CD109: variants seen among roughly 807,000 people sequenced by gnomAD.
The protein encoded by CD109 is CD109 antigen.
Under a neutral mutation model 165.8 loss-of-function variants are expected in CD109, and 149 were observed. The observed-to-expected ratio is 0.90, with a 90% confidence interval of 0.79 to 1.03. The LOEUF (loss-of-function observed/expected upper bound fraction) is 1.03. CD109 is among the 50% of genes least tolerant of loss of function. The probability of loss-of-function intolerance (pLI) is 0.00; values close to 1 mark genes in which losing one functional copy is unlikely to be tolerated. For missense variants in CD109, 1,712 were observed against 1,677.8 expected, an observed-to-expected ratio of 1.02 and a Z score of -0.36; for synonymous variants, 585 against 592.1, an observed-to-expected ratio of 0.99 and a Z score of 0.18.
intron 30 of CD109, among the ~76,000 whole-genome samples, chr6:73,816,307 T>C (rs1170894502): frequency 6.6e-6 from 1 of 152,220 alleles, no homozygotes; most frequent in East Asian, 1.9e-4. Flanking sequence ...GTCTCTGTTA[T>C]AGAATAACAA....
intron 23 of CD109, among the ~76,000 whole-genome samples, chr6:73,793,659 A>G (rs1775048764): frequency 6.6e-6 from 1 of 152,250 alleles, no homozygotes; most frequent in Non-Finnish European, 1.5e-5. Context: ...GATGTGAGAC[A>G]CGTTTGATGT....
At chr6:73,795,627 A>G (rs964956300) in intron 23 of CD109, among the ~76,000 whole-genome samples, 1 of 152,178 alleles carries the variant, frequency 6.6e-6, no homozygotes, top group Non-Finnish European at 1.5e-5. Context: ...ATCGTTCTCT[A>G]AATGCCAAGC....
At chr6:73,718,261 C>G (rs1771817017) in intron 2 of CD109, among the ~76,000 whole-genome samples, 1 of 152,008 alleles carries the variant, frequency 6.6e-6, no homozygotes, top group Non-Finnish European at 1.5e-5. Flanking sequence ...GTCTGATTGC[C>G]CTAGCTAGGA....
chr6:73,791,198 T>TATATATATATATACACATAC (rs1774946590), intron 22 of CD109, among the ~76,000 whole-genome samples: 1 of 103,824 alleles, frequency 9.6e-6, no homozygotes, highest in Non-Finnish European at 1.7e-5. Context: ...CATACATATA[T>TATATATATATATACACATAC]ATATATATAT....
At chr6:73,781,456 G>A in intron 17 of CD109, 137 bp downstream of exon 17, 1 of 695,280 alleles carries the variant, frequency 1.4e-6, no homozygotes, top group Non-Finnish European at 2.4e-6. Context: ...CAAAATGTTT[G>A]GAGTTTAATG....
intron 2 of CD109, among the ~76,000 whole-genome samples, chr6:73,709,800 T>C (rs1771454390): frequency 6.6e-6 from 1 of 152,154 alleles, no homozygotes; most frequent in Admixed American, 6.5e-5. Context: ...TGAAAATCAA[T>C]AAACGTAATC....
At chr6:73,698,761 G>A (rs539706938) in intron 2 of CD109, among the ~76,000 whole-genome samples, 1 of 152,176 alleles carries the variant, frequency 6.6e-6, no homozygotes, top group African/African-American at 2.4e-5. Context: ...CAATGTCAGG[G>A]AAGTGGGAGG....
At chr6:73,719,985 T>C (rs1771885105) in intron 2 of CD109, among the ~76,000 whole-genome samples, 1 of 152,318 alleles carries the variant, frequency 6.6e-6, no homozygotes, top group East Asian at 1.9e-4. Flanking sequence ...ACTCCCAAAG[T>C]ATAACTGGTG....
Position 73,808,199 on chromosome 6 carries a change from T to C in CD109, c.3306T>C (p.Pro1102=). The change falls in exon 26 of 33, where the codon CCT becomes CCC. Residue 1102 remains proline, a synonymous_variant. Coordinates refer to ENST00000287097, the MANE Select transcript of CD109 (RefSeq NM_133493.5). ...ATGCATTGTCATCAGTGGGGAGTCC[T>C]AAAGCGAAGGAAGCTTTGAATATGC... ...ITYALSSVGS[P]KAKEALNMLT... is the part of the protein sequence containing the mutation. The C allele has an allele frequency of 1.2e-6, 2 of 1,613,580 alleles. No individual in the cohort carries two copies. Among genetic ancestry groups the C allele is most frequent in the East Asian group, 2.2e-5 (1 of 44,858 alleles).
intron 5 of CD109, among the ~76,000 whole-genome samples, chr6:73,743,613 A>G (rs1772871203): frequency 6.6e-6 from 1 of 152,104 alleles, no homozygotes; most frequent in Admixed American, 6.6e-5. Context: ...TCTGTTAAGT[A>G]TCTCTGGAGC....
intron 5 of CD109, among the ~76,000 whole-genome samples, chr6:73,740,603 CTT>C (rs776790429): frequency 3.6e-5 from 4 of 111,876 alleles, no homozygotes; most frequent in Admixed American, 2.0e-4. Context: ...TTCTTTCTTT[CTT>C]TTTTTTTTTT....
At chr6:73,797,184 G>A (rs1000586565) in intron 23 of CD109, among the ~76,000 whole-genome samples, 3 of 152,112 alleles carry the variant, frequency 2.0e-5, no homozygotes, top group Non-Finnish European at 4.4e-5. Flanking sequence ...CCATTATTTT[G>A]TTGGTCGAAA....
At chr6:73,712,237 T>C (rs909690159) in intron 2 of CD109, among the ~76,000 whole-genome samples, 2 of 152,204 alleles carry the variant, frequency 1.3e-5, no homozygotes, top group African/African-American at 4.8e-5. Context: ...TTTTAAAGTT[T>C]TGTTTTCCAT....
chr6:73,712,683 A>G (rs1470485993), intron 2 of CD109, among the ~76,000 whole-genome samples: 1 of 152,222 alleles, frequency 6.6e-6, no homozygotes, highest in Non-Finnish European at 1.5e-5. Context: ...CTTTGACTCT[A>G]TTTGTAAATC....
At chr6:73,804,981 A>C (rs1302883455) in intron 24 of CD109, among the ~76,000 whole-genome samples, 1 of 152,248 alleles carries the variant, frequency 6.6e-6, no homozygotes, top group Non-Finnish European at 1.5e-5. Context: ...AATGGCGATC[A>C]TTATAAAGGC....
At chr6:73,714,434 C>T (rs1158798981) in intron 2 of CD109, among the ~76,000 whole-genome samples, 1 of 152,236 alleles carries the variant, frequency 6.6e-6, no homozygotes, top group Non-Finnish European at 1.5e-5. Context: ...GTGGATGCCT[C>T]TTTGGAGCCT....
chr6:73,807,131 A>G, intron 25 of CD109, 59 bp downstream of exon 25: 3 of 1,239,628 alleles, frequency 2.4e-6, no homozygotes, highest in Non-Finnish European at 3.5e-6. Context: ...GTAGGTCTTA[A>G]TGGGTCAAAT....
At chr6:73,715,668 C>T (rs1054401418) in intron 2 of CD109, among the ~76,000 whole-genome samples, 3 of 151,254 alleles carry the variant, frequency 2.0e-5, no homozygotes, top group Admixed American at 2.0e-4. Flanking sequence ...TATATATTTA[C>T]AGGGTACATG....
chr6:73,769,568 TA>T (rs1335462060), intron 14 of CD109, among the ~76,000 whole-genome samples: 1 of 152,266 alleles, frequency 6.6e-6, no homozygotes, highest in Non-Finnish European at 1.5e-5. Flanking sequence ...TTTTATGTGA[TA>T]ATCATCACAT....
Sources: gnomAD v4.1 joint callset for allele counts (sites outside exome capture counted in the v4.1 genomes callset) on GRCh38, gnomAD v4.1.1 for gene constraint, MANE v1.5 for transcripts, NCBI Gene and HGNC (gene_info 2026-07-23, HGNC 2026-07-21) for gene names.